RSPRY1: variants seen among roughly 807,000 people sequenced by gnomAD.
RSPRY1 encodes ring finger and SPRY domain containing 1.
RSPRY1 carries 23 observed loss-of-function variants against 73.1 expected under a neutral mutation model. The observed-to-expected ratio is 0.31, with a 90% CI of 0.23 to 0.45. The LOEUF (loss-of-function observed/expected upper bound fraction) is 0.45, where lower values mean the gene tolerates loss of function less well. RSPRY1 is among the 20% of genes least tolerant of loss of function. The pLI is 1.00. For synonymous variants in RSPRY1, 226 were observed against 251.4 expected, an observed-to-expected ratio of 0.90 and a Z score of 0.95; for missense variants, 448 against 698.7, an observed-to-expected ratio of 0.64 and a Z score of 4.05.
chr16:57,216,581 A>G (rs1317413200), intron 7 of RSPRY1: 2 of 345,902 alleles, frequency 5.8e-6, no homozygotes, highest in Non-Finnish European at 1.1e-5. Context: ...TCAGCCAGGC[A>G]TGGTGGCATG....
At chr16:57,200,972 C>G (rs1256801860) in intron 1 of RSPRY1, among the ~76,000 whole-genome samples, 1 of 136,796 alleles carries the variant, frequency 7.3e-6, no homozygotes, top group African/African-American at 2.7e-5. Flanking sequence ...CTGACCCCCC[C>G]ACCTCCCTCC....
chr16:57,227,850 G>A (rs931683858), intron 11 of RSPRY1, among the ~76,000 whole-genome samples: 4 of 152,098 alleles, frequency 2.6e-5, no homozygotes, highest in East Asian at 3.9e-4. Context: ...CAGTGGCCAC[G>A]CTCTAAGGAA....
At position 57,239,817 on chromosome 16, in the gene RSPRY1, A is replaced by T. The variant is rs1003846630; in HGVS notation, c.*842A>T. ...CAAATCAGATTTCTGTTTTTTTGTT[A>T]AAAAAAATTTTTTTAATCAGTATTG... On this transcript the variant is annotated 3_prime_UTR_variant, in exon 15 of 15. Coordinates refer to ENST00000394420, the MANE Select transcript of RSPRY1 (RefSeq NM_133368.3). The T allele has an allele frequency of 6.6e-6, 1 of 151,792 alleles. No homozygotes were observed. Among genetic ancestry groups the T allele is most frequent in the African/African-American group, 2.4e-5 (1 of 41,298 alleles). 9.4% of individuals were successfully genotyped at this position (151,792 alleles called of 1,614,324 possible).
intron 11 of RSPRY1, among the ~76,000 whole-genome samples, chr16:57,230,005 CTTTTTTTTT>C (rs544045998): frequency 2.2e-5 from 1 of 44,928 alleles, no homozygotes; most frequent in Non-Finnish European, 4.1e-5. Flanking sequence ...ACGCCCTGCC[CTTTTTTTTT>C]TTTTTTTTTT....
At chr16:57,224,642 GGTT>G (rs1380271508) in intron 10 of RSPRY1, among the ~76,000 whole-genome samples, 4 of 152,238 alleles carry the variant, frequency 2.6e-5, no homozygotes, top group Non-Finnish European at 5.9e-5. Flanking sequence ...AGGACATCTA[GGTT>G]GTTCTCTGAG....
Position 57,200,038 on chromosome 16 carries a change from C to T in RSPRY1, c.-155-4466C>T, listed in dbSNP as rs553797173. 2.5e-3 allele frequency among the ~76,000 whole-genome samples: 364 copies of T among 145,786 alleles called. 2 individuals carry two copies. Among genetic ancestry groups the T allele is most frequent in the African/African-American group, 8.6e-3 (337 of 39,084 alleles). On this transcript the variant is annotated intron_variant, in intron 1 of 14. Coordinates refer to ENST00000394420, the MANE Select transcript of RSPRY1 (RefSeq NM_133368.3). ...AACAAAGGTCTCTGGTTTTCCTAGG[C>T]AGAGGACCCTGCGGCCTTCCACAGT...
chr16:57,232,323 C>T (rs529801465), intron 13 of RSPRY1, among the ~76,000 whole-genome samples: 2 of 152,264 alleles, frequency 1.3e-5, no homozygotes, highest in East Asian at 1.9e-4. Flanking sequence ...GAAAATGGGA[C>T]GATGATGGTA....
At chr16:57,212,594 G>A (rs2074863761) in intron 4 of RSPRY1, among the ~76,000 whole-genome samples, 1 of 152,096 alleles carries the variant, frequency 6.6e-6, no homozygotes, top group Non-Finnish European at 1.5e-5. Flanking sequence ...GTCATTCTGA[G>A]TTTATTTAAC....
At chr16:57,211,787 C>G (rs1220427477) in intron 4 of RSPRY1, among the ~76,000 whole-genome samples, 2 of 151,392 alleles carry the variant, frequency 1.3e-5, no homozygotes, top group African/African-American at 4.9e-5. Context: ...GCTATGTTGC[C>G]CAGACTGGTC....
At chr16:57,199,360 C>T (rs750335152) in intron 1 of RSPRY1, among the ~76,000 whole-genome samples, 1 of 152,084 alleles carries the variant, frequency 6.6e-6, no homozygotes, top group African/African-American at 2.4e-5. Context: ...GGCATGGTGG[C>T]GTGCGCCTGT....
intron 4 of RSPRY1, among the ~76,000 whole-genome samples, chr16:57,210,016 T>C (rs1011042810): frequency 7.5e-6 from 1 of 133,100 alleles, no homozygotes; most frequent in Non-Finnish European, 1.6e-5. Context: ...TTTTTTTTCT[T>C]CTTTCTTTCT....
At chr16:57,232,069 T>C (rs886664543) in intron 13 of RSPRY1, among the ~76,000 whole-genome samples, 3 of 152,198 alleles carry the variant, frequency 2.0e-5, no homozygotes, top group Non-Finnish European at 4.4e-5. Context: ...CAGCTGCCTG[T>C]TTAAAGGGTA....
rs1291454012 is a variant in RSPRY1, at chr16:57,218,766, C to T, written c.901+1731C>T. On this transcript the variant is annotated intron_variant, in intron 8 of 14. Coordinates refer to ENST00000394420, the MANE Select transcript of RSPRY1 (RefSeq NM_133368.3). ...TTTTTTTTTTTTTGAGACGGAGTCT[C>T]GCTCTGTCGCCCAGGCTGGAGTGCA... Among the ~76,000 whole-genome samples the T allele has an allele frequency of 2.3e-4, 20 of 85,430 alleles. No individual in the cohort carries two copies. The Admixed American group carries it at 2.6e-3, about 11-fold the overall frequency. 56.0% of individuals were successfully genotyped at this position (85,430 alleles called of 152,430 possible).
At chr16:57,189,593 CTT>C (rs544146883) in intron 1 of RSPRY1, among the ~76,000 whole-genome samples, 11 of 124,038 alleles carry the variant, frequency 8.9e-5, no homozygotes, top group Admixed American at 1.7e-4. Flanking sequence ...CTTTTCTTTT[CTT>C]TTTTTTTTTT....
At position 57,204,891 on chromosome 16, in the gene RSPRY1, G is replaced by A. The variant is rs748673463; in HGVS notation, c.233G>A (p.Arg78Gln). 81 of 1,614,078 alleles carry A rather than the reference G, an allele frequency of 5.0e-5. No individual in the cohort carries two copies. In the East Asian group the frequency reaches 9.6e-4, roughly 19 times the overall value. Residue 78 changes from arginine to glutamine, a missense_variant, in exon 2 of 15, where the codon CGG (arginine) becomes CAG (glutamine). By Grantham distance (43) the Arg-to-Gln change is conservative. Coordinates refer to ENST00000394420, the MANE Select transcript of RSPRY1 (RefSeq NM_133368.3). ...VPTADTRSQP[R>Q]DPVRPPRRGR... ...ACTGCTGACACAAGGAGCCAACCACGGGACCCTGTTCGGCCACCAAGGAGG... is the reference window on the plus strand; with the variant it reads ...ACTGCTGACACAAGGAGCCAACCACAGGACCCTGTTCGGCCACCAAGGAGG...
chr16:57,203,355 T>A (rs1267872486), intron 1 of RSPRY1, among the ~76,000 whole-genome samples: 2 of 152,186 alleles, frequency 1.3e-5, no homozygotes, highest in African/African-American at 4.8e-5. Flanking sequence ...CTAATTCCAC[T>A]GAATTATAAA....
chr16:57,187,227 G>C (rs747484457), intron 1 of RSPRY1, among the ~76,000 whole-genome samples: 2 of 152,162 alleles, frequency 1.3e-5, no homozygotes, highest in African/African-American at 2.4e-5. Flanking sequence ...TTGCCCGAGT[G>C]GGGTGGGGAG....
rs769024641 is a variant in RSPRY1 at position 57,216,987 on chromosome 16, C to A, written c.853C>A (p.Leu285Met). ...LESWANDPDY[L>M]KRQVGFCAQW... ...GTCCTGGGCTAATGATCCTGATTAT[C>A]TGAAACGTCAAGTTGGTTTCTGTGC... The change falls in exon 8 of 15, where the codon CTG becomes ATG. Residue 285 changes from leucine to methionine, a missense_variant. Physicochemically the swap from Leu to Met is conservative, Grantham distance 15. Coordinates refer to ENST00000394420, the MANE Select transcript of RSPRY1 (RefSeq NM_133368.3). The A allele has an allele frequency of 6.2e-7, 1 of 1,614,104 alleles. No individual in the cohort carries two copies. Among genetic ancestry groups the A allele is most frequent in the Non-Finnish European group, 8.5e-7 (1 of 1,179,972 alleles).
intron 10 of RSPRY1, among the ~76,000 whole-genome samples, chr16:57,221,818 G>A (rs2075041901): frequency 6.6e-6 from 1 of 152,156 alleles, no homozygotes; most frequent in Non-Finnish European, 1.5e-5. Flanking sequence ...TAGAGTGTTG[G>A]CTTGACTTCT....
Sources: gnomAD v4.1 joint callset for allele counts (sites outside exome capture counted in the v4.1 genomes callset) on GRCh38, gnomAD v4.1.1 for gene constraint, MANE v1.5 for transcripts, NCBI Gene and HGNC (gene_info 2026-07-23, HGNC 2026-07-21) for gene names.